The following PIAS1 variants were observed in gnomAD, a reference collection of about 807,000 sequenced individuals.
PIAS1 encodes protein inhibitor of activated STAT 1, also known as E3 SUMO-protein ligase PIAS1.
Under a neutral mutation model 71.3 loss-of-function variants are expected in PIAS1, and 6 were observed. The observed-to-expected ratio is 0.08, with a 90% CI of 0.05 to 0.17. PIAS1 has a LOEUF of 0.17. Among genes scored for constraint, PIAS1 ranks in the 10% least tolerant of loss-of-function variants. PIAS1 has a pLI of 1.00. For missense variants in PIAS1, 555 were observed against 793.6 expected, an observed-to-expected ratio of 0.70 and a Z score of 3.61; for synonymous variants, 303 against 292.9, an observed-to-expected ratio of 1.03 and a Z score of -0.35.
chr15:68,096,779 CTGTT>C (rs2092379535), intron 2 of PIAS1, among the ~76,000 whole-genome samples: 1 of 151,950 alleles, frequency 6.6e-6, no homozygotes. Context: ...TGCAGTTTTC[CTGTT>C]TGTTTCTTAG....
At chr15:68,077,223 T>C (rs1749992479) in intron 1 of PIAS1, among the ~76,000 whole-genome samples, 1 of 152,176 alleles carries the variant, frequency 6.6e-6, no homozygotes, top group Non-Finnish European at 1.5e-5. Context: ...AAAACAAACC[T>C]AAAACGTGAA....
intron 4 of PIAS1, among the ~76,000 whole-genome samples, chr15:68,144,835 A>G (rs1224553942): frequency 6.6e-6 from 1 of 152,116 alleles, no homozygotes; most frequent in African/African-American, 2.4e-5. Flanking sequence ...ACTCAAAATA[A>G]TTTACATATA....
At chr15:68,057,665 G>T in intron 1 of PIAS1, 1 of 243,512 alleles carries the variant, frequency 4.1e-6, no homozygotes, top group South Asian at 4.1e-5. Flanking sequence ...TAATTTGTCT[G>T]CTTTTATTTC....
chr15:68,158,297 A>T, intron 7 of PIAS1, among the ~76,000 whole-genome samples: 1 of 151,980 alleles, frequency 6.6e-6, no homozygotes. Context: ...CATACTTCAC[A>T]TTCCATTCCA....
At chr15:68,141,792 G>C (rs1306117628) in intron 2 of PIAS1, among the ~76,000 whole-genome samples, 154 bp from the exon 3 acceptor site, 1 of 150,242 alleles carries the variant, frequency 6.7e-6, no homozygotes, top group Non-Finnish European at 1.5e-5. Flanking sequence ...GTTACAATTA[G>C]TGTATTTCTT....
intron 1 of PIAS1, among the ~76,000 whole-genome samples, chr15:68,058,761 AC>A (rs2091924501): frequency 6.6e-6 from 1 of 152,208 alleles, no homozygotes; most frequent in African/African-American, 2.4e-5. Context: ...AGAAAAATAA[AC>A]AGTACCTGTA....
intron 7 of PIAS1, among the ~76,000 whole-genome samples, chr15:68,155,368 A>G (rs934555722): frequency 6.8e-6 from 1 of 146,514 alleles, no homozygotes; most frequent in African/African-American, 2.5e-5. Flanking sequence ...CCAATGGAAT[A>G]TTAATTTGGA....
At chr15:68,119,324 A>G (rs2141018251) in intron 2 of PIAS1, among the ~76,000 whole-genome samples, 1 of 150,298 alleles carries the variant, frequency 6.7e-6, no homozygotes, top group East Asian at 2.0e-4. Flanking sequence ...GCACACCTGT[A>G]ATCCCAGCTA....
At chr15:68,103,776 C>T (rs1421437333) in intron 2 of PIAS1, among the ~76,000 whole-genome samples, 2 of 152,158 alleles carry the variant, frequency 1.3e-5, no homozygotes, top group African/African-American at 4.8e-5. Flanking sequence ...GTTGTATGTG[C>T]CGAAACTTTG....
At chr15:68,064,748 A>G (rs1368398344) in intron 1 of PIAS1, among the ~76,000 whole-genome samples, 1 of 152,230 alleles carries the variant, frequency 6.6e-6, no homozygotes, top group Admixed American at 6.5e-5. Flanking sequence ...ATCCAAAACA[A>G]TCTAATACAC....
intron 2 of PIAS1, among the ~76,000 whole-genome samples, chr15:68,093,179 A>G (rs1325794238): frequency 6.6e-6 from 1 of 152,246 alleles, no homozygotes; most frequent in Non-Finnish European, 1.5e-5. Flanking sequence ...TTAAATAGCA[A>G]CTTGGCTTTA....
intron 2 of PIAS1, among the ~76,000 whole-genome samples, chr15:68,089,916 G>C (rs756285110): frequency 5.9e-5 from 9 of 151,652 alleles, no homozygotes; most frequent in Non-Finnish European, 1.0e-4. Context: ...GTCTTGCTCT[G>C]TTGCCCAGGC....
intron 2 of PIAS1, among the ~76,000 whole-genome samples, chr15:68,093,560 A>C (rs1038110851): frequency 6.6e-6 from 1 of 152,208 alleles, no homozygotes; most frequent in African/African-American, 2.4e-5. Context: ...TTGAAATTAG[A>C]AGTTCATTTT....
chr15:68,101,047 C>T (rs967597149), intron 2 of PIAS1, among the ~76,000 whole-genome samples: 4 of 151,884 alleles, frequency 2.6e-5, no homozygotes, highest in East Asian at 1.9e-4. Flanking sequence ...TACAGGCACA[C>T]GCCACCACAC....
chr15:68,161,357 T>A (rs1013144513), intron 7 of PIAS1, among the ~76,000 whole-genome samples: 1 of 152,178 alleles, frequency 6.6e-6, no homozygotes, highest in Non-Finnish European at 1.5e-5. Flanking sequence ...TCTATTGTTG[T>A]ATGTCAGTTC....
chr15:68,162,164 G>A (rs968879667), intron 7 of PIAS1, among the ~76,000 whole-genome samples: 10 of 152,026 alleles, frequency 6.6e-5, no homozygotes, highest in Admixed American at 4.6e-4. Context: ...ATTTAACTGA[G>A]ACTAAATTCT....
chr15:68,063,311 T>C (rs959841031), intron 1 of PIAS1, among the ~76,000 whole-genome samples: 1 of 152,218 alleles, frequency 6.6e-6, no homozygotes, highest in Non-Finnish European at 1.5e-5. Context: ...TTTTAAGACT[T>C]TTTCTTGCAG....
chr15:68,059,189 A>G (rs1365167352), intron 1 of PIAS1, among the ~76,000 whole-genome samples: 1 of 151,542 alleles, frequency 6.6e-6, no homozygotes, highest in South Asian at 2.1e-4. Context: ...GTACGTTTTT[A>G]GTAGAGACGG....
chr15:68,186,964 G>A lies in PIAS1; in HGVS notation c.1663-578G>A, dbSNP rs1049401372. On this transcript the variant is annotated intron_variant, in intron 13 of 13. Transcript: ENST00000249636. This position sits in a 1 kb window ranked among gnomAD's most constrained non-coding sequence, Gnocchi z 4.4. The stretch of plus-strand genomic sequence containing the variant: ...TCAAAACACATCCGTGTCATTAAGC[G>A]ACGCATGACTGTATTTAAAAGTATA... Among the ~76,000 whole-genome samples, 22 of 152,320 alleles carry A rather than the reference G, an allele frequency of 1.4e-4. No individual in the cohort carries two copies. Among genetic ancestry groups the A allele is most frequent in the African/African-American group, 4.3e-4 (18 of 41,562 alleles).
Sources: gnomAD v4.1 joint callset for allele counts (sites outside exome capture counted in the v4.1 genomes callset) on GRCh38, gnomAD v4.1.1 for gene constraint, Gnocchi (gnomAD v3.1) non-coding constraint, MANE v1.5 for transcripts, NCBI Gene and HGNC (gene_info 2026-07-23, HGNC 2026-07-21) for gene names.